The following XIRP2 variants were observed in gnomAD, a reference collection of about 807,000 sequenced individuals.
XIRP2 encodes the protein xin actin-binding repeat-containing protein 2.
Under a neutral mutation model 277.0 loss-of-function variants are expected in XIRP2, and 236 were observed. The observed-to-expected ratio is 0.85, with a 90% CI of 0.77 to 0.95. The LOEUF is 0.95. Among genes scored for constraint, XIRP2 ranks in the 40% least tolerant of loss-of-function variants. The pLI is 0.00. For synonymous variants in XIRP2, 1,490 were observed against 1,416.5 expected (o/e 1.05, Z -1.17); for missense variants, 4,640 against 4,157.5 (o/e 1.12, Z -3.19).
At chr2:166,894,421 G>T (rs916002223) in intron 1 of XIRP2, among the ~76,000 whole-genome samples, 4 of 152,008 alleles carry the variant, frequency 2.6e-5, no homozygotes, top group African/African-American at 9.7e-5. Flanking sequence ...TTCCTTTCTT[G>T]AGTCCATGTA....
Position 167,247,175 on chromosome 2 carries a change from CT to C in XIRP2, c.5786del (p.Leu1929Ter). On this transcript the variant is annotated frameshift_variant, in exon 9 of 11. Transcript: ENST00000409195. LOFTEE classifies it high-confidence loss of function. ...GATGACCTGGAAACATCACTAAGGT[CT>C]TTGAAAGAAGCACAAAGAAGTTTCA... ...LKDDLETSLR[S>X]LKEAQRSFKE... 1 of 1,613,440 alleles carries C rather than the reference CT, an allele frequency of 6.2e-7. No homozygotes were observed. The highest frequency in any genetic ancestry group is 8.5e-7 in the Non-Finnish European group (1 of 1,179,744).
chr2:167,190,974 G>A (rs1002509435), intron 3 of XIRP2, among the ~76,000 whole-genome samples: 2 of 152,078 alleles, frequency 1.3e-5, no homozygotes, highest in African/African-American at 4.8e-5. Flanking sequence ...GGCCGAGGCA[G>A]GCAGATCTCT....
chr2:166,903,374 C>T, intron 1 of XIRP2, 91 bp from the exon 2 acceptor site: 1 of 1,336,224 alleles, frequency 7.5e-7, no homozygotes, highest in Non-Finnish European at 1.0e-6. Flanking sequence ...AGACCCAAAC[C>T]CCAAGAGCTG....
At chr2:167,222,700 A>G (rs781297441) in intron 5 of XIRP2, among the ~76,000 whole-genome samples, 6 of 152,202 alleles carry the variant, frequency 3.9e-5, no homozygotes, top group Non-Finnish European at 8.8e-5. Flanking sequence ...CATTCTAAAT[A>G]ATCCATCTAC....
At chr2:166,917,767 A>G (rs1684928706) in intron 2 of XIRP2, among the ~76,000 whole-genome samples, 1 of 152,190 alleles carries the variant, frequency 6.6e-6, no homozygotes, top group African/African-American at 2.4e-5. Context: ...CTTGTGTTAT[A>G]AGAATATTGA....
At chr2:167,203,551 T>G (rs1693778122) in intron 3 of XIRP2, among the ~76,000 whole-genome samples, 1 of 152,162 alleles carries the variant, frequency 6.6e-6, no homozygotes, top group South Asian at 2.1e-4. Flanking sequence ...ACAAGATGGT[T>G]TTTGTGCTTA....
At chr2:167,082,632 G>A (rs1294628233) in intron 2 of XIRP2, among the ~76,000 whole-genome samples, 1 of 152,144 alleles carries the variant, frequency 6.6e-6, no homozygotes, top group Non-Finnish European at 1.5e-5. Context: ...TTTAATGATT[G>A]CCATTCCAAC....
chr2:166,985,979 A>G (rs1309872727), intron 2 of XIRP2, among the ~76,000 whole-genome samples: 1 of 152,194 alleles, frequency 6.6e-6, no homozygotes, highest in Non-Finnish European at 1.5e-5. Flanking sequence ...AAGCATACTG[A>G]TGGAACTAGG....
chr2:167,255,731 C>T (rs752079759), intron 10 of XIRP2, among the ~76,000 whole-genome samples: 3 of 151,758 alleles, frequency 2.0e-5, no homozygotes, highest in Non-Finnish European at 4.4e-5. Context: ...TAATGCCCAC[C>T]ACCAATGCTT....
chr2:166,904,892 A>C (rs931190719), intron 2 of XIRP2, among the ~76,000 whole-genome samples: 1 of 152,104 alleles, frequency 6.6e-6, no homozygotes, highest in African/African-American at 2.4e-5. Context: ...TCACAGAAAT[A>C]GAATATTTTT....
chr2:166,922,487 G>A (rs912655767), intron 2 of XIRP2, among the ~76,000 whole-genome samples: 42 of 151,988 alleles, frequency 2.8e-4, no homozygotes, highest in African/African-American at 9.2e-4. Context: ...CTTTATGTAC[G>A]AACTACTTAT....
intron 2 of XIRP2, among the ~76,000 whole-genome samples, chr2:166,933,977 A>G (rs1008765279): frequency 1.3e-5 from 2 of 152,068 alleles, no homozygotes; most frequent in Non-Finnish European, 2.9e-5. Context: ...AAAATCAGAA[A>G]CAAAATGCAG....
chr2:167,037,841 C>T (rs1171423165), intron 2 of XIRP2, among the ~76,000 whole-genome samples: 3 of 151,786 alleles, frequency 2.0e-5, no homozygotes, highest in South Asian at 4.2e-4. Flanking sequence ...ATAGGCTAAA[C>T]CTGCAATTAT....
In XIRP2 at chr2:167,243,448, G is replaced by C. The variant is rs929632931; in HGVS notation, c.2056G>C (p.Gly686Arg). The change falls in exon 9 of 11, where the codon GGG becomes CGG. Residue 686 changes from glycine (G) to arginine (R), a missense_variant. Coordinates refer to ENST00000409195, the MANE Select transcript of XIRP2 (RefSeq NM_152381.6). ...SAVTISKDIT[G>R]GDVKTVRYMF... ...GGTAACTATCAGTAAGGACATAACT[G>C]GGGGGGATGTCAAGACTGTGAGATA... 5.0e-6 allele frequency: 8 copies of C among 1,613,856 alleles called. No individual in the cohort carries two copies. The Admixed American group carries it at 5.0e-5, about 10-fold the overall frequency.
intron 2 of XIRP2, among the ~76,000 whole-genome samples, chr2:166,905,419 A>T (rs1331064355): frequency 6.6e-6 from 1 of 151,990 alleles, no homozygotes; most frequent in African/African-American, 2.4e-5. Flanking sequence ...CAGTAAGATA[A>T]TAACACATTA....
chr2:167,030,937 T>G (rs540296223), intron 2 of XIRP2, among the ~76,000 whole-genome samples: 1 of 152,246 alleles, frequency 6.6e-6, no homozygotes, highest in South Asian at 2.1e-4. Context: ...CCCTTTACCA[T>G]TACATAACGG....
rs1695228211 is a variant in XIRP2 at position 167,245,575 on chromosome 2, C to A, written c.4183C>A (p.Pro1395Thr). 2 of 1,613,470 alleles carry A rather than the reference C, an allele frequency of 1.2e-6. No individual in the cohort carries two copies. The highest frequency in any genetic ancestry group is 2.7e-5 in the African/African-American group (2 of 74,864). ...SSVRYRFETQ[P>T]LDQISEESHN... ...TGTCAGATACAGATTTGAAACTCAG[C>A]CACTGGATCAGATTTCTGAAGAATC... is the stretch of plus-strand genomic sequence containing the variant. The change falls in exon 9 of 11, where the codon CCA becomes ACA. Residue 1395 changes from proline (P) to threonine (T), a missense_variant. Pro to Thr is a conservative substitution (Grantham distance 38). Transcript: ENST00000409195.
chr2:166,999,894 T>G (rs538998188), intron 2 of XIRP2, among the ~76,000 whole-genome samples: 78 of 152,264 alleles, frequency 5.1e-4, no homozygotes, highest in African/African-American at 1.7e-3. Flanking sequence ...CTTTCTTTCC[T>G]TGTAGCTAGA....
intron 3 of XIRP2, among the ~76,000 whole-genome samples, chr2:167,192,455 G>T (rs1233122284): frequency 6.6e-6 from 1 of 152,112 alleles, no homozygotes; most frequent in Non-Finnish European, 1.5e-5. Flanking sequence ...TTAGCAGTTT[G>T]TAAACAACAA....
Sources: gnomAD v4.1 joint callset for allele counts (sites outside exome capture counted in the v4.1 genomes callset) on GRCh38, gnomAD v4.1.1 for gene constraint, MANE v1.5 for transcripts, NCBI Gene and HGNC (gene_info 2026-07-23, HGNC 2026-07-21) for gene names.